UBE2Z: variants seen among roughly 807,000 people sequenced by gnomAD.
UBE2Z encodes the protein ubiquitin conjugating enzyme E2 Z.
UBE2Z carries 10 observed loss-of-function variants against 32.6 expected under a neutral mutation model. The ratio of observed to expected loss-of-function variants is 0.31; its 90% CI spans 0.19 to 0.52. The LOEUF (loss-of-function observed/expected upper bound fraction) is 0.52, where lower values mean the gene tolerates loss of function less well. Among genes scored for constraint, UBE2Z ranks in the 20% least tolerant of loss-of-function variants. The pLI, the probability that UBE2Z is intolerant of heterozygous loss-of-function variation, is 0.97. For synonymous variants in UBE2Z, 183 were observed against 190.8 expected (o/e 0.96, Z 0.34); for missense variants, 343 against 480.9 (o/e 0.71, Z 2.68).
At chr17:48,912,494 A>C in intron 2 of UBE2Z, 1 of 241,734 alleles carries the variant, frequency 4.1e-6, no homozygotes, top group East Asian at 8.2e-5. Context: ...TATATGTAAC[A>C]CTGATCAGGG....
chr17:48,908,832 T>C lies in UBE2Z; in HGVS notation c.317+12T>C. 6.8e-7 allele frequency: 1 copy of C among 1,472,516 alleles called. No homozygotes were observed. The highest frequency in any genetic ancestry group is 9.0e-7 in the Non-Finnish European group (1 of 1,114,442). 91.2% of individuals were successfully genotyped at this position (1,472,516 alleles called of 1,614,324 possible). A position where few individuals can be genotyped will look rare whatever the true frequency, so the allele number is the denominator to read the frequency against. Reference sequence around the variant, plus strand: ...CTCCGGATCAAGCGGTGAGCCGGGGTTTTTCCTCCCCCAGCCCCGAGCTCC... The same window carrying C: ...CTCCGGATCAAGCGGTGAGCCGGGGCTTTTCCTCCCCCAGCCCCGAGCTCC... On this transcript the variant is annotated intron_variant, in intron 1 of 6. Transcript: ENST00000360943.
rs1250747293 is a variant in UBE2Z, at chr17:48,928,449, CCA to C, written c.*1316_*1317del. The C allele has an allele frequency of 6.6e-6, 1 of 152,654 alleles. No homozygotes were observed. The highest frequency in any genetic ancestry group is 1.5e-5 in the Non-Finnish European group (1 of 68,112). The allele number at this position is 152,654 out of a possible 1,614,324, so 9.5% of individuals were successfully genotyped here. ...ACTTCCAGATTTATTGTTATGGCTCCCAGTGGGTATTGGCGATTCTTGTGATG... is the reference window on the plus strand; with the variant it reads ...ACTTCCAGATTTATTGTTATGGCTCCGTGGGTATTGGCGATTCTTGTGATG... On this transcript the variant is annotated 3_prime_UTR_variant, in exon 7 of 7. Coordinates refer to ENST00000360943, the MANE Select transcript of UBE2Z (RefSeq NM_023079.5).
chr17:48,920,726 T>A (rs1189994640), intron 4 of UBE2Z, among the ~76,000 whole-genome samples: 3 of 152,064 alleles, frequency 2.0e-5, no homozygotes, highest in African/African-American at 7.2e-5. Flanking sequence ...AACAGGAACT[T>A]ACTTTGTTGT....
At chr17:48,913,077 T>G in intron 3 of UBE2Z, 56 bp downstream of exon 3, 1 of 1,547,748 alleles carries the variant, frequency 6.5e-7, no homozygotes, top group Middle Eastern at 1.7e-4. Flanking sequence ...TTACTCTAGG[T>G]CAGCCTTTAT....
At chr17:48,916,297 C>T in intron 4 of UBE2Z, 110 bp downstream of exon 4, 1 of 521,128 alleles carries the variant, frequency 1.9e-6, no homozygotes, top group Non-Finnish European at 3.0e-6. Flanking sequence ...CCTCTGTCAC[C>T]TAGGCTGTAG....
intron 4 of UBE2Z, among the ~76,000 whole-genome samples, chr17:48,919,094 T>TTTTA (rs887469895): frequency 9.2e-5 from 14 of 151,584 alleles, no homozygotes; most frequent in South Asian, 2.1e-4. Flanking sequence ...GTTGTTTTTA[T>TTTTA]TTTATTTATT....
intron 6 of UBE2Z, among the ~76,000 whole-genome samples, chr17:48,924,845 C>CAAA (rs5820735): frequency 0.012 from 1,003 of 85,380 alleles, 39 homozygotes; most frequent in Non-Finnish European, 0.016. Context: ...GATTCTGTCT[C>CAAA]AAAAAAAAAA....
chr17:48,910,970 T>G lies in UBE2Z; in HGVS notation c.390+90T>G, dbSNP rs949224717. 53 of 1,040,946 alleles carry G rather than the reference T, an allele frequency of 5.1e-5. No homozygotes were observed. The Middle Eastern group carries it at 1.0e-3, about 20-fold the overall frequency. The allele number at this position is 1,040,946 out of a possible 1,614,324, so 64.5% of individuals were successfully genotyped here. A position where few individuals can be genotyped will look rare whatever the true frequency, so the allele number is the denominator to read the frequency against. ...TAAAAGAGATTATTCAGCTCACCTC[T>G]CCGATTACACAGATGAAGAAATCAA... On this transcript the variant is annotated intron_variant, in intron 2 of 6. Coordinates refer to ENST00000360943, the MANE Select transcript of UBE2Z (RefSeq NM_023079.5).
intron 1 of UBE2Z, among the ~76,000 whole-genome samples, chr17:48,909,142 G>C (rs897347792): frequency 7.0e-6 from 1 of 142,240 alleles, no homozygotes; most frequent in African/African-American, 2.7e-5. Context: ...ACCCTTTAGC[G>C]CTTCAGTAAC....
rs2040805345 is a variant in UBE2Z at position 48,927,360 on chromosome 17, CG to C, written c.*227del. 22 of 535,938 alleles carry C rather than the reference CG, an allele frequency of 4.1e-5. No individual in the cohort carries two copies. In the South Asian group the frequency reaches 5.5e-4, roughly 13 times the overall value. 33.2% of individuals were successfully genotyped at this position (535,938 alleles called of 1,614,324 possible). On this transcript the variant is annotated 3_prime_UTR_variant, in exon 7 of 7. Coordinates refer to ENST00000360943, the MANE Select transcript of UBE2Z (RefSeq NM_023079.5). ...TGGGGCTTCGTTCATCCATTCATCC[CG>C]TATCAGGGGCCAAGGTACCTTTACA...
Position 48,908,518 on chromosome 17 carries a change from G to C in UBE2Z, c.15G>C (p.Pro5=), listed in dbSNP as rs2040646062. The C allele has an allele frequency of 8.1e-7, 1 of 1,236,400 alleles. No homozygotes were observed. The allele number at this position is 1,236,400 out of a possible 1,614,324, so 76.6% of individuals were successfully genotyped here. A position where few individuals can be genotyped will look rare whatever the true frequency, so the allele number is the denominator to read the frequency against. The change falls in exon 1 of 7, where the codon CCG becomes CCC. Residue 5 remains proline (P), a synonymous_variant. Coordinates refer to ENST00000360943, the MANE Select transcript of UBE2Z (RefSeq NM_023079.5). MAES[P]TEEAATAGAG... is the part of the protein sequence containing the mutation. Reference sequence around the variant, plus strand: ...GCGAAGCAGCGATGGCGGAGAGTCCGACTGAGGAGGCGGCAACGGCGGGCG... The same window carrying C: ...GCGAAGCAGCGATGGCGGAGAGTCCCACTGAGGAGGCGGCAACGGCGGGCG...
At chr17:48,919,614 C>T (rs938416993) in intron 4 of UBE2Z, among the ~76,000 whole-genome samples, 4 of 151,950 alleles carry the variant, frequency 2.6e-5, no homozygotes, top group African/African-American at 4.8e-5. Context: ...GTAGCTGGGA[C>T]GACAGGTGCA....
At chr17:48,916,898 G>A (rs561111613) in intron 4 of UBE2Z, among the ~76,000 whole-genome samples, 3 of 151,942 alleles carry the variant, frequency 2.0e-5, no homozygotes, top group African/African-American at 4.8e-5. Context: ...AAAAATAAAA[G>A]AAATTAGCTG....
intron 6 of UBE2Z, among the ~76,000 whole-genome samples, chr17:48,923,710 T>A (rs1001431044): frequency 3.3e-5 from 5 of 151,764 alleles, no homozygotes; most frequent in Non-Finnish European, 7.4e-5. Context: ...AGGGAACTCT[T>A]TACTTTCCTT....
chr17:48,920,666 C>T (rs1598075781), intron 4 of UBE2Z, among the ~76,000 whole-genome samples: 1 of 152,046 alleles, frequency 6.6e-6, no homozygotes, highest in Admixed American at 6.6e-5. Flanking sequence ...CCGCTGCACT[C>T]CAGCCTGGGC....
chr17:48,917,497 T>TACTA (rs762120713), intron 4 of UBE2Z, among the ~76,000 whole-genome samples: 9 of 152,100 alleles, frequency 5.9e-5, no homozygotes, highest in Non-Finnish European at 1.3e-4. Context: ...CTGTAGGGAC[T>TACTA]ACTACCCAGC....
Position 48,916,563 on chromosome 17 carries a change from T to TA in UBE2Z, c.690+378dup, listed in dbSNP as rs907963850. Among the ~76,000 whole-genome samples, 45 of 147,326 alleles carry TA rather than the reference T, an allele frequency of 3.1e-4. 1 individual carries two copies. The highest frequency in any genetic ancestry group is 1.3e-3 in the South Asian group (6 of 4,544). Reference sequence around the variant, plus strand: ...ACCGCGCCCAGCCAGAATAGTGTTTTAAGAGATCTGCTTGGGAGGTTTTTT... The same window carrying TA: ...ACCGCGCCCAGCCAGAATAGTGTTTTAAAGAGATCTGCTTGGGAGGTTTTTT... On this transcript the variant is annotated intron_variant, in intron 4 of 6. Transcript: ENST00000360943.
chr17:48,921,562 A>G (rs1235616244), intron 5 of UBE2Z, among the ~76,000 whole-genome samples: 1 of 152,182 alleles, frequency 6.6e-6, no homozygotes, highest in Non-Finnish European at 1.5e-5. Flanking sequence ...AGAGTACTTC[A>G]TAATAAGACT....
chr17:48,909,055 T>G, intron 1 of UBE2Z: 1 of 75,002 alleles, frequency 1.3e-5, no homozygotes, highest in Non-Finnish European at 2.3e-5. Context: ...ACCCCGCCCC[T>G]CGACAACCTC....
Sources: allele counts gnomAD v4.1 joint callset (sites outside exome capture counted in the v4.1 genomes callset), GRCh38; gene constraint gnomAD v4.1.1; transcripts MANE v1.5; gene names NCBI Gene and HGNC (gene_info 2026-07-23, HGNC 2026-07-21).